Variants in TMEM182 observed in about 807,000 individuals in gnomAD.
TMEM182 encodes the protein transmembrane protein 182.
A neutral mutation model predicts 26.8 loss-of-function variants in TMEM182; 20 were observed. The observed-to-expected ratio is 0.75, with a 90% CI of 0.53 to 1.09. The LOEUF (loss-of-function observed/expected upper bound fraction) is 1.09, where lower values mean the gene tolerates loss of function less well. Among genes scored for constraint, TMEM182 ranks in the 50% least tolerant of loss-of-function variants. TMEM182 has a pLI of 0.00. For missense variants in TMEM182, 277 were observed against 275.5 expected (o/e 1.01, Z -0.04); for synonymous variants, 109 against 102.2 (o/e 1.07, Z -0.40).
intron 3 of TMEM182, among the ~76,000 whole-genome samples, chr2:102,765,782 G>A (rs1295130436): frequency 6.6e-6 from 1 of 151,988 alleles, no homozygotes; most frequent in African/African-American, 2.4e-5. Context: ...GGATTCCTTG[G>A]GTTCGAAGGA....
chr2:102,817,383 AG>A lies in TMEM182; in HGVS notation c.*2418del. The A allele has an allele frequency of 1.0e-6, 1 of 985,432 alleles. No individual in the cohort carries two copies. The highest frequency in any genetic ancestry group is 4.7e-5 in the South Asian group (1 of 21,288). 61.0% of individuals were successfully genotyped at this position (985,432 alleles called of 1,614,324 possible). ...ACACTTTTAGAAAGAGTGAATAAAAAGGGCAGTGAGTTATGCTCTTGGACTT... is the reference window on the plus strand; with the variant it reads ...ACACTTTTAGAAAGAGTGAATAAAAAGGCAGTGAGTTATGCTCTTGGACTT... On this transcript the variant is annotated 3_prime_UTR_variant, in exon 5 of 5. Coordinates refer to ENST00000412401, the MANE Select transcript of TMEM182 (RefSeq NM_144632.5).
intron 3 of TMEM182, among the ~76,000 whole-genome samples, chr2:102,780,866 A>C (rs1205085285): frequency 1.3e-5 from 2 of 152,316 alleles, no homozygotes; most frequent in African/African-American, 4.8e-5. Flanking sequence ...TTGCCTTGGC[A>C]TGCTATCCTT....
At chr2:102,829,469 C>G (rs1366613243) in intron 3 of TMEM182, among the ~76,000 whole-genome samples, 1 of 152,142 alleles carries the variant, frequency 6.6e-6, no homozygotes, top group Admixed American at 6.5e-5. Flanking sequence ...CTTTTCGCCC[C>G]CATCTCTATC....
upstream of TMEM182, among the ~76,000 whole-genome samples, chr2:102,760,998 A>G (rs1680196271): frequency 6.6e-6 from 1 of 152,172 alleles, no homozygotes; most frequent in South Asian, 2.1e-4. Flanking sequence ...ATCCATTGTA[A>G]GGATCTATCC....
intron 3 of TMEM182, among the ~76,000 whole-genome samples, chr2:102,770,813 C>T (rs1456111061): frequency 6.6e-6 from 1 of 152,202 alleles, no homozygotes; most frequent in Admixed American, 6.5e-5. Flanking sequence ...CATCCACACA[C>T]AACAACTTGC....
At chr2:102,833,767 A>T (rs1183432073) in intron 3 of TMEM182, among the ~76,000 whole-genome samples, 1 of 152,192 alleles carries the variant, frequency 6.6e-6, no homozygotes, top group East Asian at 1.9e-4. Flanking sequence ...TTTGAAGAGT[A>T]CTGGTCAAGG....
At chr2:102,789,537 A>G (rs1446550736) in intron 3 of TMEM182, among the ~76,000 whole-genome samples, 1 of 152,216 alleles carries the variant, frequency 6.6e-6, no homozygotes, top group Non-Finnish European at 1.5e-5. Flanking sequence ...CACCTGTAAC[A>G]ACAGTAACAC....
At chr2:102,799,865 GGGACCT>G (rs576883542) in intron 4 of TMEM182, among the ~76,000 whole-genome samples, 1 of 152,242 alleles carries the variant, frequency 6.6e-6, no homozygotes, top group Admixed American at 6.5e-5. Flanking sequence ...TTGTGGAGAG[GGGACCT>G]TTGTGGTTTC....
Position 102,816,514 on chromosome 2 carries a change from A to T in TMEM182, c.*1546A>T. On this transcript the variant is annotated 3_prime_UTR_variant, in exon 5 of 5. Coordinates refer to ENST00000412401, the MANE Select transcript of TMEM182 (RefSeq NM_144632.5). Reference sequence around the variant, plus strand: ...CATTTTCATGACAGGACTTGCCAATAATAATAATAATAATAATAATAATAA... The same window carrying T: ...CATTTTCATGACAGGACTTGCCAATTATAATAATAATAATAATAATAATAA... The T allele has an allele frequency of 1.1e-6, 1 of 934,124 alleles. No homozygotes were observed. The allele number at this position is 934,124 out of a possible 1,614,324, so 57.9% of individuals were successfully genotyped here. A position where few individuals can be genotyped will look rare whatever the true frequency, so the allele number is the denominator to read the frequency against.
chr2:102,767,356 G>A (rs1680495036), intron 3 of TMEM182, among the ~76,000 whole-genome samples: 1 of 152,128 alleles, frequency 6.6e-6, no homozygotes, highest in Non-Finnish European at 1.5e-5. Context: ...TTTGAGGTAG[G>A]CTTGTGTACT....
Position 102,777,049 on chromosome 2 carries a change from T to C in TMEM182, c.331+12622T>C, listed in dbSNP as rs557532853. Among the ~76,000 whole-genome samples the C allele has an allele frequency of 1.4e-4, 20 of 147,972 alleles. No individual in the cohort carries two copies. The South Asian group carries it at 4.5e-3, about 33-fold the overall frequency. The stretch of plus-strand genomic sequence containing the variant: ...CTTTGCGTATTTTCAGTACCAGTCC[T>C]TTATTGGATACATGTTTTTAAAAAA... On this transcript the variant is annotated intron_variant, in intron 3 of 4. Transcript: ENST00000412401.
At position 102,746,627 on chromosome 2, in the gene TMEM182, T is replaced by A. The variant is rs186100169; in HGVS notation, c.-83+9614T>A. Among the ~76,000 whole-genome samples, 276 of 152,234 alleles carry A rather than the reference T, an allele frequency of 1.8e-3. 1 individual carries two copies. The highest frequency in any genetic ancestry group is 6.3e-3 in the African/African-American group (263 of 41,542). ...TTTTTTCTCCAAGATGGAGTCTCGC[T>A]CTCTCACCCAGGCTGGAGTGCAATG... On this transcript the variant is annotated intron_variant, in intron 1 of 5. Coordinates refer to the TMEM182 transcript ENST00000409173.
rs190221644 is a variant in TMEM182, at chr2:102,794,329, A to G, written c.332-3534A>G. Among the ~76,000 whole-genome samples, 252 of 152,346 alleles carry G rather than the reference A, an allele frequency of 1.7e-3. 3 individuals carry two copies. The highest frequency in any genetic ancestry group is 1.2e-3 in the Non-Finnish European group (84 of 68,042). ...ATGCTGATTTTTTAAATTTTAACAAATATCATTTAAAGAAACTAAGACAAG... is the reference window on the plus strand; with the variant it reads ...ATGCTGATTTTTTAAATTTTAACAAGTATCATTTAAAGAAACTAAGACAAG... On this transcript the variant is annotated intron_variant, in intron 3 of 4. Coordinates refer to ENST00000412401, the MANE Select transcript of TMEM182 (RefSeq NM_144632.5).
intron 4 of TMEM182, among the ~76,000 whole-genome samples, chr2:102,805,680 A>T (rs1417388587): frequency 6.6e-6 from 1 of 152,146 alleles, no homozygotes; most frequent in Non-Finnish European, 1.5e-5. Context: ...TTTTACTCAT[A>T]TGACATACTA....
At chr2:102,838,050 C>T (rs1041407190) in intron 3 of TMEM182, among the ~76,000 whole-genome samples, 7 of 152,224 alleles carry the variant, frequency 4.6e-5, no homozygotes, top group East Asian at 1.9e-4. Flanking sequence ...AACCCTACCC[C>T]GGAAGCTGGC....
chr2:102,834,203 G>T (rs558634045), intron 3 of TMEM182, among the ~76,000 whole-genome samples: 62 of 152,272 alleles, frequency 4.1e-4, no homozygotes, highest in African/African-American at 1.4e-3. Flanking sequence ...TGACATGGCT[G>T]CCTATAGCCA....
In TMEM182 at chr2:102,817,080, T is replaced by A. The variant is rs1682781897; in HGVS notation, c.*2112T>A. On this transcript the variant is annotated 3_prime_UTR_variant, in exon 5 of 5. Coordinates refer to ENST00000412401, the MANE Select transcript of TMEM182 (RefSeq NM_144632.5). ...AATACATTTCAAGCACATTTCTTGA[T>A]CAATTTACCAGCAACCCTCTGAAGG... 3.0e-6 allele frequency: 3 copies of A among 985,450 alleles called. No individual in the cohort carries two copies. Among genetic ancestry groups the A allele is most frequent in the Non-Finnish European group, 3.6e-6 (3 of 829,928 alleles). 61.0% of individuals were successfully genotyped at this position (985,450 alleles called of 1,614,324 possible).
upstream of TMEM182, chr2:102,761,923 T>C (rs1017505311): frequency 1.0e-5 from 3 of 292,820 alleles, no homozygotes; most frequent in Non-Finnish European, 1.9e-5. Flanking sequence ...GGTCAGCTAT[T>C]TTTTGATCCC....
chr2:102,764,179 C>A, intron 2 of TMEM182, 150 bp from the exon 3 acceptor site: 1 of 683,186 alleles, frequency 1.5e-6, no homozygotes, highest in Non-Finnish European at 2.5e-6. Flanking sequence ...GAAGGCCTTC[C>A]TCCTCACAAC....
Sources: allele counts gnomAD v4.1 joint callset (sites outside exome capture counted in the v4.1 genomes callset), GRCh38; gene constraint gnomAD v4.1.1; transcripts MANE v1.5; gene names NCBI Gene and HGNC (gene_info 2026-07-23, HGNC 2026-07-21).